The following ANXA6 variants were observed in gnomAD, a reference collection of about 807,000 sequenced individuals.
ANXA6 encodes 67 kDa calelectrin.
Under a neutral mutation model 95.4 loss-of-function variants are expected in ANXA6, and 71 were observed. That is an observed-to-expected ratio of 0.74 (90% CI 0.61 to 0.91). The LOEUF (loss-of-function observed/expected upper bound fraction) is 0.91, where lower values mean the gene tolerates loss of function less well. Among genes scored for constraint, ANXA6 ranks in the 40% least tolerant of loss-of-function variants. The pLI is 0.00. For synonymous variants in ANXA6, 289 were observed against 315.9 expected (o/e 0.91, Z 0.90); for missense variants, 830 against 876.4 (o/e 0.95, Z 0.67).
At chr5:151,122,848 G>C in intron 16 of ANXA6, 69 bp downstream of exon 16, 1 of 1,411,408 alleles carries the variant, frequency 7.1e-7, no homozygotes, top group Non-Finnish European at 1.0e-6. Context: ...AGAACCGATG[G>C]GGACAGGCTG....
intron 9 of ANXA6, 79 bp downstream of exon 9, chr5:151,133,015 A>AAAGAC: frequency 9.3e-7 from 1 of 1,078,466 alleles, no homozygotes. Flanking sequence ...CATTAGTGGT[A>AAAGAC]AAGAAAAGAA....
At chr5:151,122,119 C>T in intron 17 of ANXA6, 28 bp downstream of exon 17, 1 of 1,469,674 alleles carries the variant, frequency 6.8e-7, no homozygotes, top group Non-Finnish European at 9.2e-7. Context: ...CACCCGCAGA[C>T]ACTAGACCCC....
At chr5:151,121,466 A>G (rs1765166384) in intron 17 of ANXA6, among the ~76,000 whole-genome samples, 1 of 152,198 alleles carries the variant, frequency 6.6e-6, no homozygotes, top group Admixed American at 6.5e-5. Flanking sequence ...GCCAGGACAT[A>G]ATGCTTTCTT....
intron 3 of ANXA6, 120 bp downstream of exon 3, chr5:151,140,032 CA>C: frequency 2.0e-5 from 14 of 699,980 alleles, no homozygotes; most frequent in South Asian, 1.2e-4. Flanking sequence ...AAGAGGAGAC[CA>C]AAAAAATGAA....
At chr5:151,136,822 G>T (rs752786362) in intron 6 of ANXA6, among the ~76,000 whole-genome samples, 1 of 152,206 alleles carries the variant, frequency 6.6e-6, no homozygotes, top group African/African-American at 2.4e-5. Context: ...TGCACTTGCC[G>T]TGACCTCTGT....
intron 2 of ANXA6, among the ~76,000 whole-genome samples, chr5:151,143,034 G>A (rs1011146921): frequency 2.0e-5 from 3 of 152,118 alleles, no homozygotes; most frequent in African/African-American, 7.2e-5. Context: ...CGGCTCACTT[G>A]GAATAAGAGA....
chr5:151,104,636 G>C (rs1177088243), intron 24 of ANXA6, among the ~76,000 whole-genome samples: 3 of 152,184 alleles, frequency 2.0e-5, no homozygotes. Flanking sequence ...GTAGGGTGAG[G>C]GTCTCAGGTT....
chr5:151,124,373 A>G lies in ANXA6; in HGVS notation c.1057-6T>C. 1.2e-6 allele frequency: 2 copies of G among 1,607,076 alleles called. No individual in the cohort carries two copies. The highest frequency in any genetic ancestry group is 8.5e-7 in the Non-Finnish European group (1 of 1,176,760). On this transcript the variant is annotated splice_region_variant and splice_polypyrimidine_tract_variant and intron_variant, in intron 14 of 25. Coordinates refer to ENST00000354546, the MANE Select transcript of ANXA6 (RefSeq NM_001155.5). ...GGGCGCACAGTTCCCTTCAGCTGTGAGAAGCAGAAAGAGACTCAGCAGGTG... is the reference window on the plus strand; with the variant it reads ...GGGCGCACAGTTCCCTTCAGCTGTGGGAAGCAGAAAGAGACTCAGCAGGTG...
At chr5:151,145,213 G>A (rs565206331) in intron 2 of ANXA6, among the ~76,000 whole-genome samples, 1 of 152,342 alleles carries the variant, frequency 6.6e-6, no homozygotes, top group African/African-American at 2.4e-5. Context: ...TGCTGCTGGA[G>A]CAGGAGTCCT....
chr5:151,143,209 G>C (rs888988), intron 2 of ANXA6, among the ~76,000 whole-genome samples: 9,923 of 152,070 alleles, frequency 0.065, 852 homozygotes, highest in African/African-American at 0.19. Context: ...CTTTCTAACA[G>C]ACCATCTCTC....
chr5:151,107,283 A>G (rs1764719409), intron 23 of ANXA6, among the ~76,000 whole-genome samples: 1 of 152,254 alleles, frequency 6.6e-6, no homozygotes, highest in African/African-American at 2.4e-5. Flanking sequence ...TCAGCCTCAC[A>G]AAATCCACCC....
intron 2 of ANXA6, among the ~76,000 whole-genome samples, chr5:151,143,956 G>C (rs1370959516): frequency 6.6e-6 from 1 of 152,184 alleles, no homozygotes; most frequent in Admixed American, 6.5e-5. Flanking sequence ...CAAAGACCTG[G>C]AGGGAAGCAA....
At chr5:151,118,495 G>A (rs7734262) in intron 18 of ANXA6, among the ~76,000 whole-genome samples, 42,743 of 151,838 alleles carry the variant, frequency 0.28, 6,597 homozygotes, top group East Asian at 0.48. Context: ...GTGCAGTGGC[G>A]TGATATCGGC....
intron 1 of ANXA6, among the ~76,000 whole-genome samples, chr5:151,154,107 G>A (rs1459880765): frequency 1.3e-5 from 2 of 151,972 alleles, no homozygotes; most frequent in African/African-American, 4.8e-5. Flanking sequence ...GAGAGGTTAA[G>A]TCACTTACCC....
chr5:151,115,705 G>A (rs1485691078), intron 20 of ANXA6, among the ~76,000 whole-genome samples: 3 of 152,238 alleles, frequency 2.0e-5, no homozygotes, highest in African/African-American at 7.2e-5. Context: ...AGCCACCCTA[G>A]TGTCTGGCTG....
intron 18 of ANXA6, among the ~76,000 whole-genome samples, chr5:151,118,752 G>T (rs1765078794): frequency 6.6e-6 from 1 of 152,022 alleles, no homozygotes. Flanking sequence ...ATTTTTTGTA[G>T]AGACGGGGTT....
intron 14 of ANXA6, among the ~76,000 whole-genome samples, chr5:151,125,035 A>G (rs550944005): frequency 3.3e-5 from 5 of 152,226 alleles, no homozygotes; most frequent in Admixed American, 2.0e-4. Flanking sequence ...GTCTGACATA[A>G]TAGGCACACT....
Position 151,109,608 on chromosome 5 carries a change from G to A in ANXA6, c.1684+145C>T, listed in dbSNP as rs141367069. On this transcript the variant is annotated intron_variant, in intron 22 of 25. Transcript: ENST00000354546. ...CAGGACTAGAACCCAGGGCTCCAGA[G>A]TCGCCGTCACCCATGACACGCTACT... is the stretch of plus-strand genomic sequence containing the variant. 391 of 632,512 alleles carry A rather than the reference G, an allele frequency of 6.2e-4. No homozygotes were observed. In the African/African-American group the frequency reaches 6.3e-3, roughly 10 times the overall value. 39.2% of individuals were successfully genotyped at this position (632,512 alleles called of 1,614,324 possible).
intron 13 of ANXA6, among the ~76,000 whole-genome samples, chr5:151,127,023 T>C (rs1765344763): frequency 6.6e-6 from 1 of 152,262 alleles, no homozygotes; most frequent in Non-Finnish European, 1.5e-5. Flanking sequence ...CGGCCAATGC[T>C]GGCTTTTAAG....
Sources: allele counts gnomAD v4.1 joint callset (sites outside exome capture counted in the v4.1 genomes callset), GRCh38; gene constraint gnomAD v4.1.1; transcripts MANE v1.5; gene names NCBI Gene and HGNC (gene_info 2026-07-23, HGNC 2026-07-21).